SCN11A: variants seen among roughly 807,000 people sequenced by gnomAD.
SCN11A encodes the protein sodium channel protein type 11 subunit alpha.
In SCN11A, 122 loss-of-function variants were observed where a neutral mutation model predicts 162.2. The ratio of observed to expected loss-of-function variants is 0.75; its 90% CI spans 0.65 to 0.87. The LOEUF (loss-of-function observed/expected upper bound fraction) is 0.87, where lower values mean the gene tolerates loss of function less well. SCN11A is among the 40% of genes least tolerant of loss of function. The probability of loss-of-function intolerance (pLI) is 0.00; values close to 1 mark genes in which losing one functional copy is unlikely to be tolerated. For synonymous variants in SCN11A, 758 were observed against 751.5 expected (o/e 1.01, Z -0.14); for missense variants, 2,015 against 2,181.6 (o/e 0.92, Z 1.52).
chr3:38,857,827 T>C (rs1233465084), intron 28 of SCN11A, among the ~76,000 whole-genome samples: 2 of 152,094 alleles, frequency 1.3e-5, no homozygotes, highest in East Asian at 3.9e-4. Flanking sequence ...CTGGAAGGAA[T>C]TGGGGTCCTA....
chr3:39,024,866 T>G (rs1273282262), intron 2 of SCN11A, among the ~76,000 whole-genome samples: 1 of 152,190 alleles, frequency 6.6e-6, no homozygotes, highest in African/African-American at 2.4e-5. Context: ...TGTCCATACT[T>G]TTTTGAACCT....
At chr3:38,957,017 C>G (rs1259772096) in intron 3 of SCN11A, among the ~76,000 whole-genome samples, 1 of 152,086 alleles carries the variant, frequency 6.6e-6, no homozygotes, top group Non-Finnish European at 1.5e-5. Context: ...AAGCTAAATT[C>G]CTCATCTCCC....
intron 2 of SCN11A, among the ~76,000 whole-genome samples, chr3:38,999,690 A>G (rs1442743169): frequency 2.0e-5 from 3 of 152,188 alleles, no homozygotes; most frequent in Non-Finnish European, 4.4e-5. Context: ...TAATCACAGT[A>G]AAAACACCTG....
intron 11 of SCN11A, among the ~76,000 whole-genome samples, chr3:38,916,608 T>C (rs1308004890): frequency 6.6e-6 from 1 of 152,190 alleles, no homozygotes. Context: ...TCCTTCATGG[T>C]TGGCTCTTGT....
intron 11 of SCN11A, among the ~76,000 whole-genome samples, chr3:38,911,936 T>C (rs926392169): frequency 1.3e-5 from 2 of 152,146 alleles, no homozygotes; most frequent in Non-Finnish European, 2.9e-5. Flanking sequence ...TTGGCCTCCT[T>C]TTTACCAAAG....
chr3:38,893,337 C>A (rs2065532302), intron 19 of SCN11A, among the ~76,000 whole-genome samples: 1 of 152,114 alleles, frequency 6.6e-6, no homozygotes, highest in Non-Finnish European at 1.5e-5. Context: ...CATATATACA[C>A]ACCTAACAGA....
chr3:39,041,783 C>G (rs980286084), intron 1 of SCN11A, among the ~76,000 whole-genome samples: 1 of 151,676 alleles, frequency 6.6e-6, no homozygotes, highest in African/African-American at 2.4e-5. Context: ...TGAAAAGATA[C>G]ACAAATGAGA....
intron 2 of SCN11A, among the ~76,000 whole-genome samples, chr3:39,007,576 CTACA>C (rs2031012568): frequency 6.6e-6 from 1 of 152,078 alleles, no homozygotes; most frequent in African/African-American, 2.4e-5. Context: ...TCAGTTATGC[CTACA>C]TAAAGGAAAC....
intron 22 of SCN11A, among the ~76,000 whole-genome samples, chr3:38,880,656 C>T (rs563992146): frequency 6.6e-6 from 1 of 152,196 alleles, no homozygotes; most frequent in South Asian, 2.1e-4. Context: ...CCATTCCCTA[C>T]AAATAGTGTC....
intron 14 of SCN11A, 33 bp from the exon 15 acceptor site, chr3:38,905,354 A>G (rs765342859): frequency 1.3e-5 from 21 of 1,599,068 alleles, no homozygotes; most frequent in Middle Eastern, 1.7e-4. Flanking sequence ...CCTTCTAAAG[A>G]CAGGGGCTGC....
intron 7 of SCN11A, 42 bp from the exon 8 acceptor site, chr3:38,926,973 C>G (rs1196154187): frequency 1.3e-6 from 2 of 1,578,370 alleles, no homozygotes; most frequent in South Asian, 1.2e-5. Context: ...ACATGATAAA[C>G]AATGTGAAAA....
chr3:38,891,361 C>T (rs1481780175), intron 19 of SCN11A, among the ~76,000 whole-genome samples: 2 of 151,150 alleles, frequency 1.3e-5, no homozygotes, highest in Non-Finnish European at 2.9e-5. Flanking sequence ...CTAAAGAGCA[C>T]AGAGAAAACA....
chr3:39,051,162 G>A (rs1431584216), intron 1 of SCN11A, among the ~76,000 whole-genome samples: 1 of 151,730 alleles, frequency 6.6e-6, no homozygotes, highest in Non-Finnish European at 1.5e-5. Flanking sequence ...TACAAGTGCA[G>A]GTTTGTTATA....
chr3:38,952,857 T>A (rs1191761358), intron 4 of SCN11A, among the ~76,000 whole-genome samples: 1 of 152,178 alleles, frequency 6.6e-6, no homozygotes, highest in Admixed American at 6.5e-5. Flanking sequence ...CAACTGGTTC[T>A]GTTTGCCAGG....
At position 39,001,933 on chromosome 3, in the gene SCN11A, A is replaced by G. The variant is rs976863754; in HGVS notation, c.-280+30447T>C. On this transcript the variant is annotated intron_variant, in intron 2 of 29. Transcript: ENST00000302328. ...GCGCCTGTAGTCCCAGCTACTCAGG[A>G]GGCTGAGGCAGGAGAATGGCGTGAA... 3.3e-5 allele frequency among the ~76,000 whole-genome samples: 5 copies of G among 152,068 alleles called. No individual in the cohort carries two copies. In the South Asian group the frequency reaches 8.3e-4, roughly 25 times the overall value.
At chr3:38,929,172 C>CACACAT (rs139558791) in intron 7 of SCN11A, among the ~76,000 whole-genome samples, 5,723 of 79,796 alleles carry the variant, frequency 0.072, 169 homozygotes, top group East Asian at 0.11. Flanking sequence ...CACACACACA[C>CACACAT]ATGTTTGGGA....
chr3:38,896,236 T>C (rs965529034), intron 18 of SCN11A, among the ~76,000 whole-genome samples: 1 of 152,190 alleles, frequency 6.6e-6, no homozygotes, highest in Non-Finnish European at 1.5e-5. Flanking sequence ...TCCAAACCCC[T>C]CTGGCTAGGC....
intron 28 of SCN11A, among the ~76,000 whole-genome samples, chr3:38,852,492 T>C (rs1307933916): frequency 6.6e-6 from 1 of 152,066 alleles, no homozygotes; most frequent in African/African-American, 2.4e-5. Context: ...TTACCTAAAG[T>C]GTTGGATGAT....
chr3:38,963,352 GATATATATATATAT>G (rs377651422), intron 2 of SCN11A, among the ~76,000 whole-genome samples: 7 of 38,286 alleles, frequency 1.8e-4, no homozygotes, highest in Admixed American at 3.8e-4. Flanking sequence ...CTATTTGATG[GATATATATATATAT>G]ATATATATAT....
Sources: gnomAD v4.1 joint callset for allele counts (sites outside exome capture counted in the v4.1 genomes callset) on GRCh38, gnomAD v4.1.1 for gene constraint, MANE v1.5 for transcripts, NCBI Gene and HGNC (gene_info 2026-07-23, HGNC 2026-07-21) for gene names.